Variants in TMPRSS11F observed in about 807,000 individuals in gnomAD.
TMPRSS11F encodes transmembrane protease serine 11F.
Under a neutral mutation model 60.2 loss-of-function variants are expected in TMPRSS11F, and 47 were observed. The observed-to-expected ratio is 0.78, with a 90% confidence interval of 0.62 to 1.00. TMPRSS11F has a LOEUF of 1.00. Among genes scored for constraint, TMPRSS11F ranks in the 50% least tolerant of loss-of-function variants. TMPRSS11F has a pLI of 0.00. For synonymous variants in TMPRSS11F, 166 were observed against 167.3 expected (o/e 0.99, Z 0.06); for missense variants, 519 against 522.9 (o/e 0.99, Z 0.07).
intron 2 of TMPRSS11F, among the ~76,000 whole-genome samples, chr4:68,098,285 A>AT (rs1336462020): frequency 2.6e-5 from 4 of 152,268 alleles, no homozygotes; most frequent in South Asian, 2.1e-4. Flanking sequence ...AGCCTGGGTG[A>AT]TAACTCAAGA....
chr4:68,053,607 T>C lies in TMPRSS11F; in HGVS notation c.*302A>G, dbSNP rs900798595. ...GCTCTTCATATCCTGTGGAAAATGA[T>C]GTTCCTGTCTTCAATTGAGGGAAAC... On this transcript the variant is annotated 3_prime_UTR_variant, in exon 10 of 10. Transcript: ENST00000356291. 2.1e-5 allele frequency: 5 copies of C among 232,974 alleles called. No homozygotes were observed. Among genetic ancestry groups the C allele is most frequent in the Non-Finnish European group, 4.1e-5 (5 of 120,986 alleles). 14.4% of individuals were successfully genotyped at this position (232,974 alleles called of 1,614,324 possible).
At chr4:68,057,282 CAAAAAAA>C (rs869035642) in intron 9 of TMPRSS11F, among the ~76,000 whole-genome samples, 2 of 56,962 alleles carry the variant, frequency 3.5e-5, no homozygotes, top group East Asian at 5.3e-4. Context: ...GAGACTGTCT[CAAAAAAA>C]AAAAAAAAAA....
At chr4:68,059,170 C>T (rs891802754) in intron 9 of TMPRSS11F, among the ~76,000 whole-genome samples, 156 bp downstream of exon 9, 1 of 151,038 alleles carries the variant, frequency 6.6e-6, no homozygotes, top group African/African-American at 2.4e-5. Context: ...ATTAAACACT[C>T]AATACAATTA....
chr4:68,072,225 A>ATATATATATATATATATAT (rs61052562), intron 5 of TMPRSS11F, 98 bp downstream of exon 5: 1 of 93,790 alleles, frequency 1.1e-5, no homozygotes, highest in Admixed American at 1.4e-4. Context: ...ATCTTCCAAA[A>ATATATATATATATATATAT]AAAAAATATA....
intron 1 of TMPRSS11F, among the ~76,000 whole-genome samples, chr4:68,111,074 T>C (rs1460839785): frequency 1.3e-5 from 2 of 152,154 alleles, no homozygotes; most frequent in African/African-American, 2.4e-5. Context: ...ACTGTTTTTA[T>C]ACAAATTCCA....
chr4:68,058,073 G>C (rs560991061), intron 9 of TMPRSS11F, among the ~76,000 whole-genome samples: 22 of 152,256 alleles, frequency 1.4e-4, no homozygotes, highest in South Asian at 8.3e-4. Flanking sequence ...GTGAGCCTAG[G>C]CGGGTGGAGA....
intron 1 of TMPRSS11F, among the ~76,000 whole-genome samples, chr4:68,109,801 A>T (rs1427244158): frequency 6.6e-6 from 1 of 152,186 alleles, no homozygotes; most frequent in Non-Finnish European, 1.5e-5. Flanking sequence ...TTTGTTTTTA[A>T]CATCATTAAA....
intron 5 of TMPRSS11F, among the ~76,000 whole-genome samples, chr4:68,070,889 GT>G (rs1723447088): frequency 6.6e-6 from 1 of 152,162 alleles, no homozygotes; most frequent in Admixed American, 6.5e-5. Context: ...CAAAATACAT[GT>G]ATGTGGCAGA....
chr4:68,058,783 G>T (rs1029300078), intron 9 of TMPRSS11F, among the ~76,000 whole-genome samples: 7 of 152,118 alleles, frequency 4.6e-5, no homozygotes, highest in African/African-American at 1.7e-4. Flanking sequence ...TAAAAAGCAA[G>T]GGGGAAACAC....
rs868268759 is a variant in TMPRSS11F, at chr4:68,062,818, C to A, written c.1015+1867G>T. 18 of 756,742 alleles carry A rather than the reference C, an allele frequency of 2.4e-5. 1 individual carries two copies. In the Middle Eastern group the frequency reaches 4.3e-3, roughly 180 times the overall value. 46.9% of individuals were successfully genotyped at this position (756,742 alleles called of 1,614,324 possible). On this transcript the variant is annotated intron_variant, in intron 8 of 9. Coordinates refer to ENST00000356291, the MANE Select transcript of TMPRSS11F (RefSeq NM_207407.2). ...TCTTGCATTTGGACATCTCTTGATCCGTGGATTTCCGTAGAGTTAACTTAA... is the reference window on the plus strand; with the variant it reads ...TCTTGCATTTGGACATCTCTTGATCAGTGGATTTCCGTAGAGTTAACTTAA...
chr4:68,081,835 C>A (rs945144295), intron 3 of TMPRSS11F, among the ~76,000 whole-genome samples: 6 of 152,142 alleles, frequency 3.9e-5, no homozygotes, highest in Non-Finnish European at 8.8e-5. Context: ...TAGAGACAGA[C>A]AATCTTCAAC....
intron 1 of TMPRSS11F, among the ~76,000 whole-genome samples, chr4:68,116,723 C>T (rs1158844832): frequency 2.6e-5 from 4 of 151,898 alleles, no homozygotes; most frequent in African/African-American, 9.7e-5. Context: ...GACAAGGGTA[C>T]CAAGAATACA....
At chr4:68,065,545 G>T (rs80059776) in intron 7 of TMPRSS11F, among the ~76,000 whole-genome samples, 6,829 of 152,134 alleles carry the variant, frequency 0.045, 454 homozygotes, top group African/African-American at 0.14. Flanking sequence ...TCACATAGAT[G>T]CTTTTCTCTC....
chr4:68,117,087 G>C (rs1724536727), intron 1 of TMPRSS11F, among the ~76,000 whole-genome samples: 1 of 152,096 alleles, frequency 6.6e-6, no homozygotes, highest in African/African-American at 2.4e-5. Flanking sequence ...ATATTTGCAA[G>C]CCATGTATTT....
intron 3 of TMPRSS11F, among the ~76,000 whole-genome samples, chr4:68,083,480 A>G (rs888565142): frequency 1.3e-5 from 2 of 152,186 alleles, no homozygotes; most frequent in Non-Finnish European, 2.9e-5. Context: ...CTACTGGATC[A>G]CAGTCTTAAT....
At chr4:68,066,322 A>G (rs998209895) in intron 7 of TMPRSS11F, among the ~76,000 whole-genome samples, 1 of 152,224 alleles carries the variant, frequency 6.6e-6, no homozygotes, top group Admixed American at 6.5e-5. Flanking sequence ...TTACAAATGA[A>G]TCAGATAGAG....
At chr4:68,114,563 A>G (rs1294419515) in intron 1 of TMPRSS11F, among the ~76,000 whole-genome samples, 1 of 152,156 alleles carries the variant, frequency 6.6e-6, no homozygotes, top group Non-Finnish European at 1.5e-5. Context: ...AATAACATCA[A>G]TTTAAACAGA....
At chr4:68,117,092 G>A (rs1392818795) in intron 1 of TMPRSS11F, among the ~76,000 whole-genome samples, 2 of 152,122 alleles carry the variant, frequency 1.3e-5, no homozygotes, top group African/African-American at 4.8e-5. Flanking sequence ...TGCAAGCCAT[G>A]TATTTGATAA....
In TMPRSS11F at chr4:68,098,916, A is replaced by G. The variant is rs747719734; in HGVS notation, c.134T>C (p.Ile45Thr). 24 of 1,612,638 alleles carry G rather than the reference A, an allele frequency of 1.5e-5. No homozygotes were observed. In the South Asian group the frequency reaches 2.4e-4, roughly 16 times the overall value. Reference protein sequence around the residue: ...LAIVAIIGIAIGIVTHFVVED... With the variant: ...LAIVAIIGIATGIVTHFVVED... ...AACAACAAAATGAGTAACAATACCA[A>G]TTGCAATTCCTATGATTGCTACAAT... is the stretch of plus-strand genomic sequence containing the variant. The change falls in exon 2 of 10, where the codon ATT (isoleucine) becomes ACT (threonine). Residue 45 changes from isoleucine to threonine, a missense_variant. Transcript: ENST00000356291.
Sources: allele counts gnomAD v4.1 joint callset (sites outside exome capture counted in the v4.1 genomes callset), GRCh38; gene constraint gnomAD v4.1.1; transcripts MANE v1.5; gene names NCBI Gene and HGNC (gene_info 2026-07-23, HGNC 2026-07-21).